Variants in SPMIP7 observed in about 807,000 individuals in gnomAD.
The protein encoded by SPMIP7 is sperm microtubule inner protein 7.
chr7:50,150,599 A>C, the SPMIP7 span, among the ~76,000 whole-genome samples: 2 of 152,196 alleles, frequency 1.3e-5, no homozygotes, highest in Non-Finnish European at 2.9e-5. Context: ...ATGGAGCTTC[A>C]TGCTGGGCCT....
the SPMIP7 span, among the ~76,000 whole-genome samples, chr7:50,137,783 G>A: frequency 5.3e-5 from 8 of 152,040 alleles, no homozygotes; most frequent in Middle Eastern, 3.2e-3. Flanking sequence ...GCAAGTTTAT[G>A]ACCTGTTTGA....
chr7:50,130,374 T>G, the SPMIP7 span, among the ~76,000 whole-genome samples: 305 of 152,148 alleles, frequency 2.0e-3, no homozygotes, highest in Non-Finnish European at 3.7e-3. Context: ...CAAGAGAGCC[T>G]GTGCAGGGCA....
At chr7:50,109,627 G>A in the SPMIP7 span, among the ~76,000 whole-genome samples, 2 of 152,022 alleles carry the variant, frequency 1.3e-5, no homozygotes, top group Admixed American at 6.6e-5. Flanking sequence ...CACCCGCCTC[G>A]GCCTCCCAAA....
At chr7:50,145,901 GT>G in the SPMIP7 span, among the ~76,000 whole-genome samples, 1 of 151,472 alleles carries the variant, frequency 6.6e-6, no homozygotes, top group Non-Finnish European at 1.5e-5. Context: ...ATCTAAGGAC[GT>G]TACAAGGTTT....
At chr7:50,125,385 C>CATATATAT in the SPMIP7 span, among the ~76,000 whole-genome samples, 3 of 145,442 alleles carry the variant, frequency 2.1e-5, no homozygotes, top group African/African-American at 7.6e-5. Flanking sequence ...CACATATACA[C>CATATATAT]ACATATATAT....
the SPMIP7 span, chr7:50,159,176 C>A: frequency 2.4e-3 from 3,794 of 1,550,136 alleles, 63 homozygotes; most frequent in African/African-American, 0.037. Flanking sequence ...CTAGAGGAGG[C>A]GGCCCTGCGC....
chr7:50,146,250 G>A, the SPMIP7 span, among the ~76,000 whole-genome samples: 1 of 152,222 alleles, frequency 6.6e-6, no homozygotes, highest in Non-Finnish European at 1.5e-5. Flanking sequence ...TGAGGAGGCT[G>A]AGGCCAGAGG....
the SPMIP7 span, among the ~76,000 whole-genome samples, chr7:50,114,691 T>C: frequency 6.6e-6 from 1 of 152,072 alleles, no homozygotes; most frequent in Non-Finnish European, 1.5e-5. Context: ...TTAAATAGAA[T>C]TTAATATAAT....
the SPMIP7 span, chr7:50,096,368 T>C: frequency 6.4e-7 from 1 of 1,552,176 alleles, no homozygotes; most frequent in South Asian, 1.2e-5. Flanking sequence ...TTATCCATTA[T>C]TTCCACTTCG....
chr7:50,109,386 T>A, the SPMIP7 span, among the ~76,000 whole-genome samples: 44 of 152,054 alleles, frequency 2.9e-4, no homozygotes, highest in Middle Eastern at 3.4e-3. Context: ...TTTATTTATT[T>A]ATTTATTTAA....
chr7:50,133,206 CA>C, the SPMIP7 span, among the ~76,000 whole-genome samples: 1 of 148,352 alleles, frequency 6.7e-6, no homozygotes, highest in South Asian at 2.2e-4. Context: ...TTCAAAACTC[CA>C]AAGATCCCCA....
the SPMIP7 span, chr7:50,104,462 A>AG: frequency 1.9e-6 from 1 of 539,938 alleles, no homozygotes; most frequent in Non-Finnish European, 2.6e-6. Flanking sequence ...ATTTCATTGT[A>AG]TTATATATAT....
the SPMIP7 span, chr7:50,151,340 G>A: frequency 1.7e-4 from 147 of 885,910 alleles, 1 homozygote; most frequent in South Asian, 2.5e-3. Flanking sequence ...AAAAAAATTA[G>A]ACTGCATATT....
At chr7:50,143,044 G>T in the SPMIP7 span, among the ~76,000 whole-genome samples, 17 of 151,888 alleles carry the variant, frequency 1.1e-4, no homozygotes, top group Non-Finnish European at 2.4e-4. Context: ...TCATCTTAAA[G>T]TTTCTTGAAG....
At chr7:50,155,703 C>T in the SPMIP7 span, among the ~76,000 whole-genome samples, 3 of 151,908 alleles carry the variant, frequency 2.0e-5, no homozygotes, top group Non-Finnish European at 4.4e-5. Context: ...ACTGTTACTC[C>T]CAGAGAATAT....
At chr7:50,149,985 A>G in the SPMIP7 span, among the ~76,000 whole-genome samples, 2 of 152,152 alleles carry the variant, frequency 1.3e-5, no homozygotes, top group Admixed American at 1.3e-4. Flanking sequence ...CCCAGAGATG[A>G]CATGGGGAAC....
At chr7:50,117,059 A>G in the SPMIP7 span, among the ~76,000 whole-genome samples, 1 of 152,126 alleles carries the variant, frequency 6.6e-6, no homozygotes, top group South Asian at 2.1e-4. Flanking sequence ...ATTTTCCCTA[A>G]TGGCCTCACC....
At chr7:50,140,184 A>G in the SPMIP7 span, 1 of 1,487,458 alleles carries the variant, frequency 6.7e-7, no homozygotes, top group Non-Finnish European at 8.9e-7. Context: ...CTCTATACGT[A>G]AGTAATGTTT....
the SPMIP7 span, chr7:50,141,524 A>C: frequency 1.6e-6 from 1 of 629,142 alleles, no homozygotes; most frequent in African/African-American, 1.8e-5. Context: ...CTGCTTCCTA[A>C]AAGAAATGTG....
Sources: gnomAD v4.1 joint callset for allele counts (sites outside exome capture counted in the v4.1 genomes callset) on GRCh38, gnomAD v4.1.1 for gene constraint, MANE v1.5 for transcripts, NCBI Gene and HGNC (gene_info 2026-07-23, HGNC 2026-07-21) for gene names.